ARHGAP31: variants seen among roughly 807,000 people sequenced by gnomAD.
ARHGAP31 encodes Rho GTPase activating protein 31.
A neutral mutation model predicts 113.9 loss-of-function variants in ARHGAP31; 34 were observed. The ratio of observed to expected loss-of-function variants is 0.30; its 90% CI spans 0.23 to 0.40. The LOEUF (loss-of-function observed/expected upper bound fraction) is 0.40, where lower values mean the gene tolerates loss of function less well. Among genes scored for constraint, ARHGAP31 ranks in the 10% least tolerant of loss-of-function variants. The pLI, the probability that ARHGAP31 is intolerant of heterozygous loss-of-function variation, is 1.00. For synonymous variants in ARHGAP31, 650 were observed against 684.8 expected, an observed-to-expected ratio of 0.95 and a Z score of 0.79; for missense variants, 1,548 against 1,767.1, an observed-to-expected ratio of 0.88 and a Z score of 2.22.
chr3:119,373,151 T>C, intron 3 of ARHGAP31, among the ~76,000 whole-genome samples: 1 of 152,112 alleles, frequency 6.6e-6, no homozygotes. Flanking sequence ...TTTATAAAAA[T>C]ATATTAACAC....
chr3:119,352,611 C>T (rs1215759659), intron 1 of ARHGAP31, among the ~76,000 whole-genome samples: 4 of 118,566 alleles, frequency 3.4e-5, no homozygotes, highest in African/African-American at 1.2e-4. Flanking sequence ...TCCCTCTTCC[C>T]ACACACACAC....
intron 3 of ARHGAP31, among the ~76,000 whole-genome samples, chr3:119,377,265 C>T (rs1172143914): frequency 6.6e-6 from 1 of 151,948 alleles, no homozygotes; most frequent in Non-Finnish European, 1.5e-5. Context: ...CAGATGATAC[C>T]CAAATGTAAG....
chr3:119,324,320 A>G (rs1231531486), intron 1 of ARHGAP31, among the ~76,000 whole-genome samples: 1 of 152,186 alleles, frequency 6.6e-6, no homozygotes, highest in East Asian at 1.9e-4. Context: ...ATTTATCCGG[A>G]TGTATTATAA....
At chr3:119,324,686 T>G (rs775752456) in intron 1 of ARHGAP31, among the ~76,000 whole-genome samples, 1 of 152,162 alleles carries the variant, frequency 6.6e-6, no homozygotes, top group Non-Finnish European at 1.5e-5. Flanking sequence ...TCAAAGAATG[T>G]TTAAGGATAG....
At chr3:119,351,613 A>G (rs1395988446) in intron 1 of ARHGAP31, among the ~76,000 whole-genome samples, 1 of 148,588 alleles carries the variant, frequency 6.7e-6, no homozygotes, top group Non-Finnish European at 1.5e-5. Flanking sequence ...GGTATGCAAG[A>G]AAAAAAAAGA....
At chr3:119,367,225 C>A (rs1476665997) in intron 2 of ARHGAP31, among the ~76,000 whole-genome samples, 1 of 152,108 alleles carries the variant, frequency 6.6e-6, no homozygotes, top group Non-Finnish European at 1.5e-5. Context: ...GAATGGGCAG[C>A]GAGCTGTTTC....
At chr3:119,365,051 G>A (rs754932542) in intron 1 of ARHGAP31, among the ~76,000 whole-genome samples, 24 of 152,130 alleles carry the variant, frequency 1.6e-4, no homozygotes, top group African/African-American at 4.1e-4. Flanking sequence ...CCAAGATTGC[G>A]CCACTGCACT....
intron 1 of ARHGAP31, chr3:119,314,548 C>G (rs1362296527): frequency 6.6e-6 from 1 of 152,430 alleles, no homozygotes; most frequent in African/African-American, 2.4e-5. Context: ...GCAATGCTGT[C>G]TTGGGATTGC....
chr3:119,353,787 CAAAAA>C (rs5852199), intron 1 of ARHGAP31, among the ~76,000 whole-genome samples: 80 of 88,230 alleles, frequency 9.1e-4, no homozygotes, highest in African/African-American at 2.4e-3. Flanking sequence ...GACTCCATCT[CAAAAA>C]AAAAAAAAAA....
At chr3:119,412,504 G>GACAA (rs2080725357) in intron 11 of ARHGAP31, among the ~76,000 whole-genome samples, 4 of 152,144 alleles carry the variant, frequency 2.6e-5, no homozygotes, top group Admixed American at 6.5e-5. Context: ...TAGGGAAAGG[G>GACAA]AGGAGTCTAG....
rs779602448 is a variant in ARHGAP31 at position 119,409,638 on chromosome 3, T to A, written c.1788T>A (p.Ser596=). 6.2e-7 allele frequency: 1 copy of A among 1,613,356 alleles called. No individual in the cohort carries two copies. The highest frequency in any genetic ancestry group is 1.1e-5 in the South Asian group (1 of 90,970). ...EKKTPESSLS[S]QHLNELEKRP... Reference sequence around the variant, plus strand: ...AAACCCCAGAAAGCTCCTTGAGCTCTCAACATTTAAATGAATTAGAGAAGA... The same window carrying A: ...AAACCCCAGAAAGCTCCTTGAGCTCACAACATTTAAATGAATTAGAGAAGA... The change falls in exon 11 of 12, where the codon TCT becomes TCA. Residue 596 remains serine, a synonymous_variant. Transcript: ENST00000264245.
chr3:119,409,270 G>A lies in ARHGAP31; in HGVS notation c.1646-226G>A, dbSNP rs139519280. On this transcript the variant is annotated intron_variant, in intron 10 of 11. Coordinates refer to ENST00000264245, the MANE Select transcript of ARHGAP31 (RefSeq NM_020754.4). ...AGATGGTCCCTGGTTGAGAACCACC[G>A]GACTAGGTGATCTTTGAGGTCCCTT... 3.2e-3 allele frequency among the ~76,000 whole-genome samples: 493 copies of A among 152,274 alleles called. 3 individuals are homozygous for A. The highest frequency in any genetic ancestry group is 3.9e-3 in the Admixed American group (59 of 15,296).
chr3:119,314,332 GTTCTCATCTTA>G (rs2079710755), intron 1 of ARHGAP31: 1 of 152,230 alleles, frequency 6.6e-6, no homozygotes, highest in Non-Finnish European at 1.5e-5. Flanking sequence ...CTTGGTGTGT[GTTCTCATCTTA>G]TCCTGTACTT....
intron 1 of ARHGAP31, among the ~76,000 whole-genome samples, chr3:119,309,620 C>CAT (rs2079661332): frequency 6.6e-6 from 1 of 151,930 alleles, no homozygotes; most frequent in Admixed American, 6.6e-5. Context: ...ATTAGCCAGG[C>CAT]ATGGTGGCGT....
intron 3 of ARHGAP31, among the ~76,000 whole-genome samples, chr3:119,374,692 C>T (rs2080332754): frequency 6.6e-6 from 1 of 152,172 alleles, no homozygotes; most frequent in Non-Finnish European, 1.5e-5. Context: ...TCCTGCTCCG[C>T]TGTGGTAAGG....
rs760011508 is a variant in ARHGAP31 at position 119,414,048 on chromosome 3, T to C, written c.2119T>C (p.Phe707Leu). The C allele has an allele frequency of 9.3e-6, 15 of 1,614,060 alleles. No homozygotes were observed. Among genetic ancestry groups the C allele is most frequent in the African/African-American group, 1.3e-5 (1 of 74,916 alleles). The change falls in exon 12 of 12, where the codon TTC (phenylalanine) becomes CTC (leucine). Residue 707 changes from phenylalanine to leucine, a missense_variant. Transcript: ENST00000264245. The part of the protein sequence containing the change: ...EPPGSLPCGS[F>L]PAPVSTPLEV... Reference sequence around the variant, plus strand: ...TCCTGGGAGCTTGCCTTGTGGCTCCTTCCCTGCTCCAGTCTCCACCCCTCT... The same window carrying C: ...TCCTGGGAGCTTGCCTTGTGGCTCCCTCCCTGCTCCAGTCTCCACCCCTCT...
rs1194402791 is a variant in ARHGAP31, at chr3:119,397,209, G to C, written c.1007-1990G>C. 2.0e-5 allele frequency among the ~76,000 whole-genome samples: 3 copies of C among 152,298 alleles called. No homozygotes were observed. The East Asian group carries it at 5.8e-4, about 29-fold the overall frequency. On this transcript the variant is annotated intron_variant, in intron 8 of 11. Transcript: ENST00000264245. ...GAAAGGAGGGCAGGGAATGCTTGGG[G>C]ACTGTCCACCAAGCCACATCTCTGA...
At position 119,295,001 on chromosome 3, in the gene ARHGAP31, G is replaced by T; in HGVS notation, c.97G>T (p.Asp33Tyr). Residue 33 changes from aspartate to tyrosine, a missense_variant, in exon 1 of 12, where the codon GAT becomes TAT. By Grantham distance (160) the Asp-to-Tyr change is radical. Transcript: ENST00000264245. The stretch of plus-strand genomic sequence containing the variant: ...GGAGTATCTGGAAAGCTCGGGACAG[G>T]ATGGTAATGTGCCTTGGCCTTTCTC... ...LTEYLESSGQDVPYVLKSCAE... is the reference protein window; with the variant it reads ...LTEYLESSGQYVPYVLKSCAE... 6.2e-7 allele frequency: 1 copy of T among 1,614,166 alleles called. No individual in the cohort carries two copies. The highest frequency in any genetic ancestry group is 8.5e-7 in the Non-Finnish European group (1 of 1,180,026).
At chr3:119,302,975 CT>C (rs2079598001) in intron 1 of ARHGAP31, among the ~76,000 whole-genome samples, 1 of 152,240 alleles carries the variant, frequency 6.6e-6, no homozygotes, top group Non-Finnish European at 1.5e-5. Flanking sequence ...CAGACCCTAT[CT>C]TTTCCTCCCA....
Sources: allele counts gnomAD v4.1 joint callset (sites outside exome capture counted in the v4.1 genomes callset), GRCh38; gene constraint gnomAD v4.1.1; transcripts MANE v1.5; gene names NCBI Gene and HGNC (gene_info 2026-07-23, HGNC 2026-07-21).